Variants in LMF1 observed in about 807,000 individuals in gnomAD.
LMF1 encodes transmembrane protein 112.
In LMF1, 68 loss-of-function variants were observed where a neutral mutation model predicts 60.6. The ratio of observed to expected loss-of-function variants is 1.12; its 90% CI spans 0.92 to 1.37. The LOEUF (loss-of-function observed/expected upper bound fraction) is 1.37, where lower values mean the gene tolerates loss of function less well. Ranked by LOEUF, LMF1 falls within the 40% of genes most tolerant of loss-of-function variation. LMF1 has a pLI of 0.00. For missense variants in LMF1, 948 were observed against 767.2 expected, an observed-to-expected ratio of 1.24 and a Z score of -2.78; for synonymous variants, 418 against 324.7, an observed-to-expected ratio of 1.29 and a Z score of -3.09.
In LMF1 at chr16:962,661, C is replaced by T. The variant is rs1027545067; in HGVS notation, c.194-7995G>A. On this transcript the variant is annotated intron_variant, in intron 1 of 10. Transcript: ENST00000262301. This position sits in a 1 kb window ranked among gnomAD's most constrained non-coding sequence, Gnocchi z 4.5. ...CTCTACAGACGCCATGACAGGCCTG[C>T]TTGACACTGTCAAGGTCGGAATCCT... Among the ~76,000 whole-genome samples the T allele has an allele frequency of 5.3e-5, 8 of 152,170 alleles. No homozygotes were observed. The highest frequency in any genetic ancestry group is 1.9e-4 in the African/African-American group (8 of 41,442).
intron 3 of LMF1, among the ~76,000 whole-genome samples, chr16:914,334 G>T (rs1351592943): frequency 1.3e-5 from 2 of 152,074 alleles, no homozygotes; most frequent in African/African-American, 4.8e-5. Flanking sequence ...TGGGGAGAAG[G>T]CTGGGCAGGC....
chr16:955,442 C>T (rs200498637), intron 1 of LMF1, among the ~76,000 whole-genome samples: 2 of 122,494 alleles, frequency 1.6e-5, no homozygotes, highest in African/African-American at 3.3e-5. Flanking sequence ...ACATAAAATG[C>T]GTGCCTGCAG....
intron 10 of LMF1, among the ~76,000 whole-genome samples, chr16:859,199 GA>G (rs2069336864): frequency 9.0e-6 from 1 of 111,112 alleles, no homozygotes; most frequent in Admixed American, 8.4e-5. Context: ...GGACGGGTGT[GA>G]GTGGTGTCTC....
chr16:923,119 G>A (rs1292085203), intron 3 of LMF1, among the ~76,000 whole-genome samples: 11 of 151,044 alleles, frequency 7.3e-5, no homozygotes, highest in Non-Finnish European at 1.3e-4. Context: ...CTGGGTTTTC[G>A]GGTGTGATGT....
At chr16:922,100 A>G (rs113778796) in intron 3 of LMF1, among the ~76,000 whole-genome samples, 17,821 of 152,086 alleles carry the variant, frequency 0.12, 1,200 homozygotes, top group Non-Finnish European at 0.16. Flanking sequence ...CCAAGCAGCC[A>G]ACACGGGACA....
upstream of LMF1, among the ~76,000 whole-genome samples, chr16:974,510 C>T (rs1344724412): frequency 6.6e-6 from 1 of 152,192 alleles, no homozygotes; most frequent in African/African-American, 2.4e-5. Context: ...GGGGAGAAGA[C>T]GCTGAGAAGA....
intron 6 of LMF1, among the ~76,000 whole-genome samples, chr16:877,141 G>A (rs2070015064): frequency 6.6e-6 from 1 of 152,104 alleles, no homozygotes; most frequent in Non-Finnish European, 1.5e-5. Flanking sequence ...AACCAGACTG[G>A]GCAACATAGC....
At chr16:914,711 G>A (rs1407640726) in intron 3 of LMF1, among the ~76,000 whole-genome samples, 15 of 548 alleles carry the variant, frequency 0.027, no homozygotes, top group African/African-American at 0.072. Flanking sequence ...TCCCTCCCAC[G>A]ACCATTGGTG....
intron 1 of LMF1, chr16:968,361 G>A (rs2072969978): frequency 6.6e-6 from 1 of 152,234 alleles, no homozygotes; most frequent in Admixed American, 6.5e-5. Flanking sequence ...TTAACAAGGG[G>A]AGTTTCCACA....
chr16:905,763 G>C (rs1426138428), intron 4 of LMF1, among the ~76,000 whole-genome samples: 1 of 151,952 alleles, frequency 6.6e-6, no homozygotes, highest in East Asian at 1.9e-4. Flanking sequence ...TAATTTTGAG[G>C]AAGTCCAATG....
At chr16:879,854 CGGCCCGCCT>C in intron 5 of LMF1, 117 bp from the exon 6 acceptor site, 1 of 1,034,382 alleles carries the variant, frequency 9.7e-7, no homozygotes, top group Non-Finnish European at 1.4e-6. Flanking sequence ...AGGATCCCCC[CGGCCCGCCT>C]GGCCCTGCAC....
At chr16:889,297 C>T (rs762041403) in intron 5 of LMF1, among the ~76,000 whole-genome samples, 5 of 152,044 alleles carry the variant, frequency 3.3e-5, no homozygotes, top group African/African-American at 4.8e-5. Context: ...CTGAATTTGC[C>T]GGCAACTGCC....
At chr16:943,711 A>C (rs1347113255) in intron 2 of LMF1, among the ~76,000 whole-genome samples, 1 of 141,462 alleles carries the variant, frequency 7.1e-6, no homozygotes, top group Non-Finnish European at 1.5e-5. Flanking sequence ...TGGGGGACAG[A>C]ATGAGACTCT....
chr16:895,564 G>A (rs1472966013), intron 4 of LMF1, among the ~76,000 whole-genome samples: 1 of 152,232 alleles, frequency 6.6e-6, no homozygotes, highest in Non-Finnish European at 1.5e-5. Context: ...AGGACGACCT[G>A]GGCAGGGGAG....
intron 5 of LMF1, among the ~76,000 whole-genome samples, chr16:882,095 A>G (rs929491193): frequency 6.6e-6 from 1 of 152,240 alleles, no homozygotes; most frequent in Non-Finnish European, 1.5e-5. Flanking sequence ...AAAGGGCCAC[A>G]GCAGGGACAC....
At chr16:943,396 G>C (rs2072157845) in intron 2 of LMF1, among the ~76,000 whole-genome samples, 1 of 147,062 alleles carries the variant, frequency 6.8e-6, no homozygotes, top group African/African-American at 2.5e-5. Flanking sequence ...AAAAGATTCA[G>C]AGTCTCTGCT....
chr16:865,270 TCAGA>T (rs1202351859), intron 10 of LMF1, among the ~76,000 whole-genome samples: 2 of 152,362 alleles, frequency 1.3e-5, no homozygotes, highest in East Asian at 3.9e-4. Context: ...TTGAACTACT[TCAGA>T]CAGTTTTATA....
At chr16:876,418 C>T (rs1293372791) in intron 6 of LMF1, among the ~76,000 whole-genome samples, 1 of 152,158 alleles carries the variant, frequency 6.6e-6, no homozygotes, top group East Asian at 1.9e-4. Flanking sequence ...TCGGAGCTCA[C>T]AGAATGAGCA....
At chr16:876,334 G>A (rs1477874186) in intron 6 of LMF1, among the ~76,000 whole-genome samples, 1 of 152,224 alleles carries the variant, frequency 6.6e-6, no homozygotes, top group African/African-American at 2.4e-5. Context: ...GGGTCGGCGG[G>A]GCACAGAGAA....
Sources: allele counts gnomAD v4.1 joint callset (sites outside exome capture counted in the v4.1 genomes callset), GRCh38; gene constraint gnomAD v4.1.1; non-coding constraint Gnocchi (gnomAD v3.1); transcripts MANE v1.5; gene names NCBI Gene and HGNC (gene_info 2026-07-23, HGNC 2026-07-21).